Variants in SVEP1 observed in about 807,000 individuals in gnomAD.
The protein encoded by SVEP1 is sushi, von Willebrand factor type A, EGF and pentraxin domain containing 1, also known as sushi, von Willebrand factor type A, EGF and pentraxin domain-containing protein 1.
A neutral mutation model predicts 367.3 loss-of-function variants in SVEP1; 164 were observed. The ratio of observed to expected loss-of-function variants is 0.45; its 90% confidence interval spans 0.39 to 0.51. The LOEUF (loss-of-function observed/expected upper bound fraction) is 0.51, where lower values mean the gene tolerates loss of function less well. SVEP1 is among the 20% of genes least tolerant of loss of function. SVEP1 has a pLI of 0.00. For missense variants in SVEP1, 4,117 were observed against 4,425.3 expected (o/e 0.93, Z 1.98); for synonymous variants, 1,666 against 1,611.6 (o/e 1.03, Z -0.81).
intron 36 of SVEP1, among the ~76,000 whole-genome samples, chr9:110,426,719 T>C (rs958608382): frequency 3.3e-5 from 5 of 152,186 alleles, no homozygotes; most frequent in African/African-American, 1.2e-4. Flanking sequence ...ATTGGTTGCA[T>C]TGAGACCCTA....
intron 36 of SVEP1, among the ~76,000 whole-genome samples, chr9:110,416,277 CAAAAG>C (rs1588043644): frequency 6.6e-6 from 1 of 150,990 alleles, no homozygotes; most frequent in African/African-American, 2.4e-5. Context: ...GAAATAAGGA[CAAAAG>C]AAAGACTCAA....
intron 5 of SVEP1, among the ~76,000 whole-genome samples, chr9:110,508,509 C>A (rs1481084145): frequency 6.6e-6 from 1 of 151,938 alleles, no homozygotes. Flanking sequence ...CGCCTGTAAT[C>A]CCGGCACTTT....
intron 22 of SVEP1, among the ~76,000 whole-genome samples, chr9:110,453,677 G>C (rs185712136): frequency 2.0e-5 from 3 of 152,238 alleles, no homozygotes; most frequent in Admixed American, 1.3e-4. Flanking sequence ...AGACCAGCCT[G>C]ACCAATATGG....
intron 22 of SVEP1, among the ~76,000 whole-genome samples, chr9:110,453,384 A>AAG (rs1194776832): frequency 6.6e-6 from 1 of 152,152 alleles, no homozygotes; most frequent in Non-Finnish European, 1.5e-5. Flanking sequence ...AATTGAGAAT[A>AAG]AGATCACTGT....
intron 1 of SVEP1, among the ~76,000 whole-genome samples, chr9:110,570,207 T>G (rs375956611): frequency 2.6e-5 from 4 of 152,120 alleles, no homozygotes; most frequent in Admixed American, 2.0e-4. Flanking sequence ...CTATGGGAAA[T>G]GCAGAGACAA....
chr9:110,530,975 A>G (rs911643474), intron 3 of SVEP1, among the ~76,000 whole-genome samples: 4 of 152,210 alleles, frequency 2.6e-5, no homozygotes, highest in Non-Finnish European at 1.5e-5. Flanking sequence ...CACATTTTAA[A>G]AAGTGTAATG....
chr9:110,489,808 G>A (rs1159788564), intron 8 of SVEP1, 29 bp from the exon 9 acceptor site: 1 of 1,582,084 alleles, frequency 6.3e-7, no homozygotes, highest in Admixed American at 1.8e-5. Context: ...TATTTTGAAA[G>A]TTAATGTCAA....
At chr9:110,380,821 T>C (rs1466905178) in intron 43 of SVEP1, among the ~76,000 whole-genome samples, 1 of 152,156 alleles carries the variant, frequency 6.6e-6, no homozygotes, top group Non-Finnish European at 1.5e-5. Context: ...GTCTGGTCCT[T>C]GGCTTTTTTT....
rs138678027 is a variant in SVEP1 at position 110,533,594 on chromosome 9, C to CTCTGTG, written c.964+12520_964+12521insCACAGA. On this transcript the variant is annotated intron_variant, in intron 3 of 47. Transcript: ENST00000374469. ...ACCCGGGGTTACTATCTCTGTGTGT[C>CTCTGTG]TGTGTGTGTGTGTGCACGCACACGT... 1.0e-4 allele frequency among the ~76,000 whole-genome samples: 15 copies of CTCTGTG among 146,708 alleles called. 1 individual carries two copies. The highest frequency in any genetic ancestry group is 3.5e-4 in the African/African-American group (14 of 40,018).
chr9:110,456,234 A>C (rs58917016), intron 21 of SVEP1, among the ~76,000 whole-genome samples: 3 of 152,196 alleles, frequency 2.0e-5, no homozygotes, highest in Non-Finnish European at 2.9e-5. Flanking sequence ...TAAAAATACA[A>C]ATTCTCAGGC....
chr9:110,515,813 A>G (rs1829792285), intron 3 of SVEP1, among the ~76,000 whole-genome samples: 1 of 152,224 alleles, frequency 6.6e-6, no homozygotes, highest in Non-Finnish European at 1.5e-5. Flanking sequence ...GCAAATATTT[A>G]TATACCATTC....
At chr9:110,573,361 G>T (rs1344422187) in intron 1 of SVEP1, among the ~76,000 whole-genome samples, 1 of 151,504 alleles carries the variant, frequency 6.6e-6, no homozygotes, top group Non-Finnish European at 1.5e-5. Context: ...CATAAGCCTG[G>T]GAGAGAAGAT....
At chr9:110,435,064 A>G (rs1398702458) in intron 29 of SVEP1, among the ~76,000 whole-genome samples, 177 bp downstream of exon 29, 2 of 152,196 alleles carry the variant, frequency 1.3e-5, no homozygotes, top group African/African-American at 4.8e-5. Flanking sequence ...ATATTTTTGC[A>G]TTAAAAAAAC....
intron 23 of SVEP1, 125 bp from the exon 24 acceptor site, chr9:110,450,385 C>A: frequency 2.1e-6 from 2 of 945,690 alleles, no homozygotes; most frequent in Non-Finnish European, 1.5e-6. Flanking sequence ...TGGAGCCCAT[C>A]AAACTGGTTT....
intron 3 of SVEP1, among the ~76,000 whole-genome samples, chr9:110,523,472 A>G (rs1233055756): frequency 3.3e-5 from 5 of 152,194 alleles, no homozygotes; most frequent in African/African-American, 1.2e-4. Context: ...AATAAACAGA[A>G]AACAAAAAAT....
chr9:110,545,947 C>T (rs1436328338), intron 3 of SVEP1, among the ~76,000 whole-genome samples, 168 bp downstream of exon 3: 5 of 152,180 alleles, frequency 3.3e-5, no homozygotes, highest in Admixed American at 2.0e-4. Flanking sequence ...CTCAACTCAC[C>T]GCTGATGGCA....
intron 40 of SVEP1, among the ~76,000 whole-genome samples, chr9:110,398,463 A>G (rs1205585290): frequency 2.0e-5 from 3 of 152,256 alleles, no homozygotes; most frequent in Non-Finnish European, 4.4e-5. Flanking sequence ...CACCAAAAGC[A>G]ATGGCAACAA....
Position 110,432,625 on chromosome 9 carries a change from A to G in SVEP1, c.5070T>C (p.Cys1690=). 2.5e-6 allele frequency: 4 copies of G among 1,612,242 alleles called. No individual in the cohort carries two copies. Among genetic ancestry groups the G allele is most frequent in the Non-Finnish European group, 2.5e-6 (3 of 1,179,102 alleles). The change falls in exon 31 of 48, where the codon TGT becomes TGC. Residue 1690 remains cysteine (C), a synonymous_variant. Coordinates refer to ENST00000374469, the MANE Select transcript of SVEP1 (RefSeq NM_153366.4). The part of the protein sequence containing the change: ...QPLPHCERIS[C]GVPPPLENGF... ...CATTCTCCAAAGGAGGTGGCACCCC[A>G]CAGCTAATGCCTGTAAGGTGACCAG...
chr9:110,543,936 T>A (rs978987078), intron 3 of SVEP1, among the ~76,000 whole-genome samples: 2 of 151,984 alleles, frequency 1.3e-5, no homozygotes, highest in African/African-American at 4.8e-5. Context: ...CCCCCCACCT[T>A]TTTTCTGCTT....
Sources: gnomAD v4.1 joint callset for allele counts (sites outside exome capture counted in the v4.1 genomes callset) on GRCh38, gnomAD v4.1.1 for gene constraint, MANE v1.5 for transcripts, NCBI Gene and HGNC (gene_info 2026-07-23, HGNC 2026-07-21) for gene names.